KALRN: variants seen among roughly 807,000 people sequenced by gnomAD.
KALRN encodes kalirin RhoGEF kinase.
KALRN carries 70 observed loss-of-function variants against 353.7 expected under a neutral mutation model. The observed-to-expected ratio is 0.20, with a 90% CI of 0.16 to 0.24. The LOEUF (loss-of-function observed/expected upper bound fraction) is 0.24. Ranked by LOEUF, KALRN falls within the 10% of genes least tolerant of loss-of-function variation. The pLI is 1.00. For missense variants in KALRN, 2,791 were observed against 3,756.7 expected, an observed-to-expected ratio of 0.74 and a Z score of 6.72; for synonymous variants, 1,391 against 1,434.8, an observed-to-expected ratio of 0.97 and a Z score of 0.69.
At chr3:124,472,383 G>T (rs1172533983) in intron 25 of KALRN, among the ~76,000 whole-genome samples, 1 of 151,972 alleles carries the variant, frequency 6.6e-6, no homozygotes, top group South Asian at 2.1e-4. Context: ...CATTTCTTTG[G>T]CTACTCTTAA....
At chr3:124,077,182 G>A (rs2060299272) in intron 1 of KALRN, among the ~76,000 whole-genome samples, 1 of 152,206 alleles carries the variant, frequency 6.6e-6, no homozygotes, top group South Asian at 2.1e-4. Context: ...GCTGGGTCAG[G>A]CTGGCCAGAG....
chr3:124,593,840 G>A (rs2076029273), intron 34 of KALRN, among the ~76,000 whole-genome samples: 1 of 152,086 alleles, frequency 6.6e-6, no homozygotes, highest in Admixed American at 6.6e-5. Context: ...CTTTTATTTT[G>A]TTTTCCTCAT....
At chr3:124,506,678 C>A (rs2065268861) in intron 33 of KALRN, among the ~76,000 whole-genome samples, 1 of 152,182 alleles carries the variant, frequency 6.6e-6, no homozygotes, top group Non-Finnish European at 1.5e-5. Flanking sequence ...TTATGAGGTG[C>A]TGGAGGAAAA....
At chr3:124,668,168 G>A (rs2085913344) in intron 47 of KALRN, among the ~76,000 whole-genome samples, 1 of 151,860 alleles carries the variant, frequency 6.6e-6, no homozygotes, top group Non-Finnish European at 1.5e-5. Context: ...GCTCACAGGA[G>A]CGCACACACA....
At chr3:124,606,821 G>A (rs138865376) in intron 34 of KALRN, among the ~76,000 whole-genome samples, 1 of 152,246 alleles carries the variant, frequency 6.6e-6, no homozygotes, top group Non-Finnish European at 1.5e-5. Context: ...AAGGGCAAAA[G>A]CGATGAAGAT....
Position 124,095,422 on chromosome 3 carries a change from T to C in KALRN, c.73+61609T>C, listed in dbSNP as rs539507085. On this transcript the variant is annotated intron_variant, in intron 1 of 59. Coordinates refer to ENST00000682506, the MANE Select transcript of KALRN (RefSeq NM_001388419.1). ...TGCTGAGGTTGCTCTGGAGCTATTA[T>C]TTAATTCATACATGTAAAATATATA... is the stretch of plus-strand genomic sequence containing the variant. 2.0e-5 allele frequency among the ~76,000 whole-genome samples: 3 copies of C among 152,310 alleles called. No individual in the cohort carries two copies. The East Asian group carries it at 5.8e-4, about 29-fold the overall frequency.
intron 34 of KALRN, among the ~76,000 whole-genome samples, chr3:124,580,293 C>T (rs1296583537): frequency 7.2e-6 from 1 of 138,514 alleles, no homozygotes; most frequent in African/African-American, 2.7e-5. Context: ...TTACAGACAC[C>T]TGGGGAACTT....
Position 124,268,922 on chromosome 3 carries a change from G to T in KALRN, c.636G>T (p.Met212Ile), listed in dbSNP as rs371783045. The part of the protein sequence containing the change: ...LLSRLEDLQE[M>I]LARKEFPVDV... ...CGCGCCTCGAGGACCTCCAGGAGATGCTAGCCCGGAAGGAGTTTCCTGTGG... is the reference window on the plus strand; with the variant it reads ...CGCGCCTCGAGGACCTCCAGGAGATTCTAGCCCGGAAGGAGTTTCCTGTGG... The change falls in exon 5 of 60, where the codon ATG becomes ATT. Residue 212 changes from methionine (M) to isoleucine (I), a missense_variant. By Grantham distance (10) the Met-to-Ile change is conservative. This residue lies in a region of KALRN where 366 missense variants were observed against 489.2 expected (regional missense o/e 0.75). Transcript: ENST00000682506. The T allele has an allele frequency of 1.2e-6, 2 of 1,614,000 alleles. No homozygotes were observed. Among genetic ancestry groups the T allele is most frequent in the African/African-American group, 1.3e-5 (1 of 74,912 alleles).
At chr3:124,069,640 A>G (rs1159611171) in intron 1 of KALRN, among the ~76,000 whole-genome samples, 1 of 152,188 alleles carries the variant, frequency 6.6e-6, no homozygotes, top group African/African-American at 2.4e-5. Flanking sequence ...GCAATGGGGA[A>G]CCATTGAGTG....
intron 1 of KALRN, chr3:124,152,558 T>G (rs200186668): frequency 0.16 from 86,138 of 535,824 alleles, 9,944 homozygotes; most frequent in South Asian, 0.22. Flanking sequence ...TTTTCTTTTC[T>G]TTTCTTTTCT....
intron 41 of KALRN, among the ~76,000 whole-genome samples, chr3:124,658,048 G>T (rs906904372): frequency 8.5e-5 from 13 of 152,160 alleles, no homozygotes; most frequent in East Asian, 3.9e-4. Context: ...TAGCCACTTG[G>T]GGGGGCGGAG....
chr3:124,563,464 C>G (rs2072321810), intron 34 of KALRN, among the ~76,000 whole-genome samples: 1 of 152,214 alleles, frequency 6.6e-6, no homozygotes, highest in South Asian at 2.1e-4. Flanking sequence ...CCCACTCCCG[C>G]TCCACAGCAA....
chr3:124,204,163 G>C (rs904959574), intron 1 of KALRN, among the ~76,000 whole-genome samples: 3 of 152,098 alleles, frequency 2.0e-5, no homozygotes, highest in Admixed American at 2.0e-4. Flanking sequence ...ACCTTACATA[G>C]GTTTCTTCAT....
At chr3:124,212,073 G>C (rs534567035) in intron 1 of KALRN, among the ~76,000 whole-genome samples, 1 of 152,008 alleles carries the variant, frequency 6.6e-6, no homozygotes, top group Non-Finnish European at 1.5e-5. Flanking sequence ...AAGCGGCAGA[G>C]GATTATAAAA....
At chr3:124,051,988 C>T (rs562483502) in intron 1 of KALRN, among the ~76,000 whole-genome samples, 22 of 152,318 alleles carry the variant, frequency 1.4e-4, no homozygotes, top group Admixed American at 4.6e-4. Context: ...GTCTCTAATG[C>T]GTCTTCCATC....
At chr3:124,458,864 G>T (rs555561188) in intron 23 of KALRN, among the ~76,000 whole-genome samples, 14 of 152,292 alleles carry the variant, frequency 9.2e-5, no homozygotes, top group African/African-American at 3.4e-4. Flanking sequence ...AACCCAGGAG[G>T]CAGAGGTTGC....
chr3:124,666,444 T>G lies in KALRN; in HGVS notation c.6346-5T>G, dbSNP rs1300215772. ...TCACTTCACCCCAGCCCGTCTTTCC[T>G]TCAGGGCACTCTGACTGCTCAGGGG... On this transcript the variant is annotated splice_polypyrimidine_tract_variant and splice_region_variant and intron_variant, in intron 45 of 59. Coordinates refer to ENST00000682506, the MANE Select transcript of KALRN (RefSeq NM_001388419.1). The G allele has an allele frequency of 6.2e-7, 1 of 1,613,734 alleles. No individual in the cohort carries two copies. Among genetic ancestry groups the G allele is most frequent in the South Asian group, 1.1e-5 (1 of 91,048 alleles).
intron 1 of KALRN, among the ~76,000 whole-genome samples, chr3:124,068,138 G>A (rs1284854403): frequency 6.6e-6 from 1 of 152,188 alleles, no homozygotes; most frequent in African/African-American, 2.4e-5. Flanking sequence ...GAGGGGGCAG[G>A]ATGACAAAGT....
At chr3:124,515,732 C>G (rs182164479) in intron 33 of KALRN, among the ~76,000 whole-genome samples, 24 of 152,310 alleles carry the variant, frequency 1.6e-4, no homozygotes, top group African/African-American at 5.1e-4. Context: ...TTAATGGTCT[C>G]TTTTTCACAC....
Sources: allele counts gnomAD v4.1 joint callset (sites outside exome capture counted in the v4.1 genomes callset), GRCh38; gene constraint gnomAD v4.1.1; regional missense constraint gnomAD v4.1.1; transcripts MANE v1.5; gene names NCBI Gene and HGNC (gene_info 2026-07-23, HGNC 2026-07-21).